Variants in GALNTL6 observed in about 807,000 individuals in gnomAD.
GALNTL6 encodes polypeptide N-acetylgalactosaminyltransferase like 6.
A neutral mutation model predicts 73.7 loss-of-function variants in GALNTL6; 46 were observed. That is an observed-to-expected ratio of 0.62 (90% CI 0.49 to 0.80). GALNTL6 has a LOEUF of 0.80. Among genes scored for constraint, GALNTL6 ranks in the 30% least tolerant of loss-of-function variants. The pLI is 0.00. For missense variants in GALNTL6, 604 were observed against 755.0 expected (o/e 0.80, Z 2.34); for synonymous variants, 259 against 263.7 (o/e 0.98, Z 0.17).
At chr4:173,005,301 A>G (rs1335095937) in intron 10 of GALNTL6, among the ~76,000 whole-genome samples, 1 of 152,052 alleles carries the variant, frequency 6.6e-6, no homozygotes, top group Non-Finnish European at 1.5e-5. Flanking sequence ...AATCCTGTTA[A>G]GTGTCTCTCA....
chr4:172,101,203 C>T (rs1732505090), intron 2 of GALNTL6, among the ~76,000 whole-genome samples: 1 of 152,064 alleles, frequency 6.6e-6, no homozygotes, highest in Admixed American at 6.6e-5. Flanking sequence ...CTTCCTTTTC[C>T]TTCCTTACAA....
At chr4:172,649,710 G>A (rs558150543) in intron 5 of GALNTL6, among the ~76,000 whole-genome samples, 9 of 152,158 alleles carry the variant, frequency 5.9e-5, no homozygotes, top group African/African-American at 9.7e-5. Context: ...AGTACGAAGT[G>A]TAGATTGTGA....
intron 5 of GALNTL6, among the ~76,000 whole-genome samples, chr4:172,741,314 A>G (rs1438467963): frequency 1.3e-5 from 2 of 152,090 alleles, no homozygotes; most frequent in Non-Finnish European, 2.9e-5. Context: ...GCTGGAACCA[A>G]TTGCTGTTGG....
intron 3 of GALNTL6, among the ~76,000 whole-genome samples, chr4:172,281,422 G>A (rs910027519): frequency 1.3e-5 from 2 of 151,874 alleles, no homozygotes; most frequent in African/African-American, 4.8e-5. Context: ...TTGACCAGGC[G>A]TGATGTTCAC....
intron 2 of GALNTL6, among the ~76,000 whole-genome samples, chr4:172,044,387 A>G (rs1337270269): frequency 2.0e-5 from 3 of 151,888 alleles, no homozygotes; most frequent in Non-Finnish European, 4.4e-5. Flanking sequence ...GCGTACTATC[A>G]TTTGTTTATA....
At chr4:172,792,346 C>T (rs113464433) in intron 5 of GALNTL6, among the ~76,000 whole-genome samples, 5 of 151,782 alleles carry the variant, frequency 3.3e-5, no homozygotes, top group Admixed American at 6.6e-5. Context: ...TATATATACA[C>T]GTGTGTACTA....
chr4:172,616,340 G>T (rs982348462), intron 5 of GALNTL6, among the ~76,000 whole-genome samples: 44 of 151,954 alleles, frequency 2.9e-4, no homozygotes, highest in Non-Finnish European at 4.7e-4. Context: ...GTCTTATTTG[G>T]TCCTAACTGA....
chr4:172,998,261 G>A (rs1751884867), intron 10 of GALNTL6, among the ~76,000 whole-genome samples: 1 of 152,222 alleles, frequency 6.6e-6, no homozygotes, highest in African/African-American at 2.4e-5. Flanking sequence ...CAAAAATGGT[G>A]TGATGGCTAT....
intron 5 of GALNTL6, among the ~76,000 whole-genome samples, chr4:172,495,361 T>G (rs1005352893): frequency 6.6e-6 from 1 of 152,164 alleles, no homozygotes; most frequent in African/African-American, 2.4e-5. Flanking sequence ...AGCTCTACAC[T>G]CCTGACTGCT....
At chr4:171,836,611 C>T (rs947100537) in intron 2 of GALNTL6, among the ~76,000 whole-genome samples, 1 of 152,074 alleles carries the variant, frequency 6.6e-6, no homozygotes. Context: ...ATTATTAATT[C>T]CCTGAAATGT....
At chr4:172,953,080 T>C (rs1050705757) in intron 10 of GALNTL6, among the ~76,000 whole-genome samples, 1 of 152,186 alleles carries the variant, frequency 6.6e-6, no homozygotes, top group Admixed American at 6.5e-5. Context: ...TATACAGAAC[T>C]GTGACACAGG....
chr4:172,297,357 T>A (rs536335697), intron 3 of GALNTL6, among the ~76,000 whole-genome samples: 142 of 152,268 alleles, frequency 9.3e-4, no homozygotes, highest in Admixed American at 2.0e-3. Flanking sequence ...CTCTTTAGTT[T>A]AATTAGATCC....
At position 172,890,408 on chromosome 4, in the gene GALNTL6, G is replaced by A. The variant is rs545731227; in HGVS notation, c.1041+7501G>A. The stretch of plus-strand genomic sequence containing the variant: ...TTCTTTTTAATACTGCTTGTGCTGC[G>A]TCCCAGAGATTTTGATATGTTCTGT... On this transcript the variant is annotated intron_variant, in intron 8 of 12. Coordinates refer to ENST00000506823, the MANE Select transcript of GALNTL6 (RefSeq NM_001034845.3). Among the ~76,000 whole-genome samples, 13 of 152,080 alleles carry A rather than the reference G, an allele frequency of 8.5e-5. 1 individual carries two copies. Among genetic ancestry groups the A allele is most frequent in the East Asian group, 5.8e-4 (3 of 5,182 alleles).
chr4:172,788,594 A>C (rs559732005), intron 5 of GALNTL6, among the ~76,000 whole-genome samples: 11 of 148,142 alleles, frequency 7.4e-5, no homozygotes, highest in South Asian at 2.2e-4. Flanking sequence ...ATGCCGTGAA[A>C]CCGGGAGGCG....
rs201654876 is a variant in GALNTL6 at position 172,609,667 on chromosome 4, C to T, written c.554-199694C>T. Among the ~76,000 whole-genome samples the T allele has an allele frequency of 9.7e-5, 3 of 30,986 alleles. No homozygotes were observed. In the East Asian group the frequency reaches 2.5e-3, roughly 25 times the overall value. 20.3% of individuals were successfully genotyped at this position (30,986 alleles called of 152,430 possible). A position where few individuals can be genotyped will look rare whatever the true frequency, so the allele number is the denominator to read the frequency against. ...TGTGTGTGTGTGTGTGTGTGTGTGT[C>T]TGCCAGGTTTTGGTATCAGGATATG... On this transcript the variant is annotated intron_variant, in intron 5 of 12. Coordinates refer to ENST00000506823, the MANE Select transcript of GALNTL6 (RefSeq NM_001034845.3).
intron 2 of GALNTL6, among the ~76,000 whole-genome samples, chr4:171,898,287 C>T (rs960466893): frequency 6.6e-6 from 1 of 151,946 alleles, no homozygotes; most frequent in African/African-American, 2.4e-5. Flanking sequence ...ATGATACAGC[C>T]ACACACATTG....
At chr4:172,409,675 T>G (rs571928115) in intron 5 of GALNTL6, among the ~76,000 whole-genome samples, 1 of 152,202 alleles carries the variant, frequency 6.6e-6, no homozygotes, top group East Asian at 1.9e-4. Context: ...TATTTGAGGT[T>G]ACATTCCATC....
At chr4:172,080,701 T>C (rs1267421465) in intron 2 of GALNTL6, among the ~76,000 whole-genome samples, 1 of 151,808 alleles carries the variant, frequency 6.6e-6, no homozygotes, top group South Asian at 2.1e-4. Context: ...GGGTCTGATT[T>C]TGAATTTTCT....
intron 7 of GALNTL6, among the ~76,000 whole-genome samples, chr4:172,824,057 G>C (rs1742091047): frequency 6.6e-6 from 1 of 152,158 alleles, no homozygotes; most frequent in African/African-American, 2.4e-5. Context: ...TTGTTGGCGA[G>C]TATAATCTTA....
Sources: allele counts gnomAD v4.1 joint callset (sites outside exome capture counted in the v4.1 genomes callset), GRCh38; gene constraint gnomAD v4.1.1; transcripts MANE v1.5; gene names NCBI Gene and HGNC (gene_info 2026-07-23, HGNC 2026-07-21).